ALK: variants seen among roughly 807,000 people sequenced by gnomAD.
ALK encodes the protein ALK tyrosine kinase receptor.
ALK carries 74 observed loss-of-function variants against 163.1 expected under a neutral mutation model. The observed-to-expected ratio is 0.45, with a 90% CI of 0.38 to 0.55. ALK has a LOEUF of 0.55. Among genes scored for constraint, ALK ranks in the 20% least tolerant of loss-of-function variants. The pLI, the probability that ALK is intolerant of heterozygous loss-of-function variation, is 0.00. For synonymous variants in ALK, 960 were observed against 843.2 expected (o/e 1.14, Z -2.40); for missense variants, 2,063 against 2,105.3 (o/e 0.98, Z 0.39).
At chr2:29,875,094 T>G (rs899432505) in intron 1 of ALK, among the ~76,000 whole-genome samples, 2 of 152,080 alleles carry the variant, frequency 1.3e-5, no homozygotes, top group Non-Finnish European at 2.9e-5. Context: ...TTCACAATAG[T>G]CAAAAGGTAG....
rs111915201 is a variant in ALK at position 29,704,575 on chromosome 2, T to C, written c.788-9561A>G. 2.0e-3 allele frequency among the ~76,000 whole-genome samples: 308 copies of C among 152,314 alleles called. 1 individual carries two copies. The highest frequency in any genetic ancestry group is 7.1e-3 in the African/African-American group (297 of 41,568). ...AATCCTATTTTTTTCTTGAATAAATTGGCAAAAACATATATGGCTACGTTT... is the reference window on the plus strand; with the variant it reads ...AATCCTATTTTTTTCTTGAATAAATCGGCAAAAACATATATGGCTACGTTT... On this transcript the variant is annotated intron_variant, in intron 2 of 28. Transcript: ENST00000389048.
At position 29,538,001 on chromosome 2, in the gene ALK, A is replaced by G. The variant is rs531398539; in HGVS notation, c.953-5885T>C. On this transcript the variant is annotated intron_variant, in intron 3 of 28. Transcript: ENST00000389048. ...ACTTTGGAACAAGAATGTTTACCCA[A>G]TGCCTGTACCACCATCGTATCTTAG... 3.9e-5 allele frequency among the ~76,000 whole-genome samples: 6 copies of G among 152,354 alleles called. No individual in the cohort carries two copies. In the South Asian group the frequency reaches 8.3e-4, roughly 21 times the overall value.
chr2:29,671,279 A>G (rs1368362775), intron 3 of ALK, among the ~76,000 whole-genome samples: 1 of 152,072 alleles, frequency 6.6e-6, no homozygotes, highest in Non-Finnish European at 1.5e-5. Flanking sequence ...GGAGGTCTCA[A>G]AGAGATTACC....
chr2:29,719,442 G>T (rs1034547056), intron 1 of ALK, among the ~76,000 whole-genome samples: 1 of 152,206 alleles, frequency 6.6e-6, no homozygotes, highest in Non-Finnish European at 1.5e-5. Flanking sequence ...CTGTTTCGTA[G>T]ATAGGCAATG....
At chr2:29,304,656 C>T (rs1270818747) in intron 8 of ALK, among the ~76,000 whole-genome samples, 1 of 152,176 alleles carries the variant, frequency 6.6e-6, no homozygotes, top group African/African-American at 2.4e-5. Flanking sequence ...GCTTGTCAAA[C>T]CATCCTCTTT....
chr2:29,888,158 C>A (rs772969103), intron 1 of ALK, among the ~76,000 whole-genome samples: 3 of 151,160 alleles, frequency 2.0e-5, no homozygotes, highest in Non-Finnish European at 4.4e-5. Context: ...TGGTTTCTGG[C>A]AATATAAGTC....
intron 1 of ALK, among the ~76,000 whole-genome samples, chr2:29,853,548 C>A (rs1014852297): frequency 6.6e-6 from 1 of 152,200 alleles, no homozygotes; most frequent in South Asian, 2.1e-4. Context: ...TGGTCTTCTA[C>A]GGCAGCCTCT....
intron 9 of ALK, among the ~76,000 whole-genome samples, chr2:29,289,808 C>T (rs936434521): frequency 1.3e-5 from 2 of 152,086 alleles, no homozygotes; most frequent in South Asian, 4.2e-4. Flanking sequence ...TGCTTCTATT[C>T]GTGTGGGAAT....
chr2:29,363,810 T>C (rs1402391082), intron 5 of ALK, among the ~76,000 whole-genome samples: 1 of 152,160 alleles, frequency 6.6e-6, no homozygotes, highest in East Asian at 1.9e-4. Context: ...TTCAGAAAAG[T>C]TATTAAAAAC....
intron 9 of ALK, among the ~76,000 whole-genome samples, chr2:29,291,557 T>C (rs2148227238): frequency 6.6e-6 from 1 of 152,290 alleles, no homozygotes; most frequent in Admixed American, 6.5e-5. Flanking sequence ...AATTATAATA[T>C]CTACCCCAAG....
At chr2:29,202,935 G>A (rs964675784) in intron 26 of ALK, among the ~76,000 whole-genome samples, 8 of 152,170 alleles carry the variant, frequency 5.3e-5, no homozygotes, top group Non-Finnish European at 8.8e-5. Flanking sequence ...AAATAGGAGC[G>A]TTAGGTCACA....
intron 11 of ALK, among the ~76,000 whole-genome samples, chr2:29,270,972 A>G (rs1263910410): frequency 6.6e-6 from 1 of 152,172 alleles, no homozygotes; most frequent in African/African-American, 2.4e-5. Context: ...GATTTTCTGC[A>G]GGGCTAGCAA....
intron 1 of ALK, among the ~76,000 whole-genome samples, chr2:29,919,127 G>C (rs1667913739): frequency 6.6e-6 from 1 of 152,142 alleles, no homozygotes; most frequent in African/African-American, 2.4e-5. Context: ...CTCATTTTAG[G>C]AGTCTCCAGC....
intron 1 of ALK, among the ~76,000 whole-genome samples, chr2:29,749,025 A>G (rs1487396712): frequency 2.0e-5 from 3 of 152,174 alleles, no homozygotes; most frequent in Admixed American, 2.0e-4. Context: ...ATACTAACAT[A>G]TCTCTTGAAT....
intron 1 of ALK, among the ~76,000 whole-genome samples, chr2:29,869,449 G>T (rs1666521698): frequency 6.6e-6 from 1 of 152,022 alleles, no homozygotes; most frequent in African/African-American, 2.4e-5. Context: ...CAGCAGAAAA[G>T]AATAAATAGC....
Position 29,635,044 on chromosome 2 carries a change from A to C in ALK, c.952+59806T>G, listed in dbSNP as rs188384584. On this transcript the variant is annotated intron_variant, in intron 3 of 28. Transcript: ENST00000389048. ...AATACAATAACATTTGTAATTACTC[A>C]AAAAATAACACTTAGGCTTAAATCT... is the stretch of plus-strand genomic sequence containing the variant. 5.1e-3 allele frequency among the ~76,000 whole-genome samples: 773 copies of C among 152,312 alleles called. 11 individuals are homozygous for C. The highest frequency in any genetic ancestry group is 0.017 in the African/African-American group (710 of 41,570).
intron 4 of ALK, among the ~76,000 whole-genome samples, chr2:29,467,084 A>G (rs930792511): frequency 4.6e-5 from 7 of 152,156 alleles, no homozygotes; most frequent in Admixed American, 3.9e-4. Context: ...CCTCACATAC[A>G]ATAGTTGATA....
At chr2:29,648,513 C>G (rs1269304378) in intron 3 of ALK, among the ~76,000 whole-genome samples, 4 of 152,148 alleles carry the variant, frequency 2.6e-5, no homozygotes, top group Admixed American at 6.5e-5. Context: ...TCCCCACTCC[C>G]TCATTCCCCT....
At position 29,193,280 on chromosome 2, in the gene ALK, G is replaced by A. The variant is rs780454793; in HGVS notation, c.4807C>T (p.His1603Tyr). The A allele has an allele frequency of 1.2e-6, 2 of 1,614,124 alleles. No homozygotes were observed. The highest frequency in any genetic ancestry group is 1.1e-5 in the South Asian group (1 of 91,046). ...LEAATAPGAG[H>Y]YEDTILKSKN... ...CTTTTCAGAATGGTATCCTCGTAAT[G>A]ACCAGCTCCAGGGGCAGTAGCGGCT... is the stretch of plus-strand genomic sequence containing the variant. The change falls in exon 29 of 29, where the codon CAT (histidine) becomes TAT (tyrosine). Residue 1603 changes from histidine to tyrosine, a missense_variant. Coordinates refer to ENST00000389048, the MANE Select transcript of ALK (RefSeq NM_004304.5).
Sources: allele counts gnomAD v4.1 joint callset (sites outside exome capture counted in the v4.1 genomes callset), GRCh38; gene constraint gnomAD v4.1.1; transcripts MANE v1.5; gene names NCBI Gene and HGNC (gene_info 2026-07-23, HGNC 2026-07-21).